Variants in ATG2A observed in about 807,000 individuals in gnomAD.
ATG2A encodes the protein autophagy related 2A.
Under a neutral mutation model 214.2 loss-of-function variants are expected in ATG2A, and 103 were observed. The observed-to-expected ratio is 0.48, with a 90% CI of 0.41 to 0.57. The LOEUF (loss-of-function observed/expected upper bound fraction) is 0.57. ATG2A is among the 20% of genes least tolerant of loss of function. The probability of loss-of-function intolerance (pLI) is 0.00; values close to 1 mark genes in which losing one functional copy is unlikely to be tolerated. For missense variants in ATG2A, 2,312 were observed against 2,613.2 expected, an observed-to-expected ratio of 0.88 and a Z score of 2.51; for synonymous variants, 1,160 against 1,142.1, an observed-to-expected ratio of 1.02 and a Z score of -0.32.
rs761954800 is a variant in ATG2A at position 64,902,605 on chromosome 11, G to T, written c.3688C>A (p.Leu1230Met). The change falls in exon 27 of 41, where the codon CTG (leucine) becomes ATG (methionine). Residue 1230 changes from leucine (L) to methionine (M), a missense_variant. Transcript: ENST00000377264. ...VHSCADSCALLVNLLQYVMST... is the reference protein window; with the variant it reads ...VHSCADSCALMVNLLQYVMST... ...ATTACGTACTGGAGCAGGTTGACCAGCAGGGCACAGGAGTCGGCACAGCTG... is the reference window on the plus strand; with the variant it reads ...ATTACGTACTGGAGCAGGTTGACCATCAGGGCACAGGAGTCGGCACAGCTG... 8.1e-6 allele frequency: 13 copies of T among 1,610,350 alleles called. No homozygotes were observed. In the South Asian group the frequency reaches 1.3e-4, roughly 16 times the overall value.
Position 64,911,156 on chromosome 11 carries a change from CA to C in ATG2A, c.1347del (p.Asp450ThrfsTer41). ...TCGGTGAAAAAGTGCGTGGCGAGGT[CA>C]GGTGGTCCGGAAGATGGGGCAGACG... ...LQTSAPSSGP[P>X]DLATHFFTEF... On this transcript the variant is annotated frameshift_variant, in exon 10 of 41. Coordinates refer to ENST00000377264, the MANE Select transcript of ATG2A (RefSeq NM_015104.3). LOFTEE classifies it high-confidence loss of function. 6.2e-7 allele frequency: 1 copy of C among 1,614,112 alleles called. No individual in the cohort carries two copies. The highest frequency in any genetic ancestry group is 1.3e-5 in the African/African-American group (1 of 75,038).
Position 64,906,779 on chromosome 11 carries a change from C to G in ATG2A, c.2869G>C (p.Glu957Gln), listed in dbSNP as rs560884133. ...CCGTGCTCCATGTCCAGCACCAGCT[C>G]CCCGTGCACAGCCTCCAGCCGCTTC... Reference protein sequence around the residue: ...GGKRLEAVHGELVLDMEHGTL... With the variant: ...GGKRLEAVHGQLVLDMEHGTL... The change falls in exon 20 of 41, where the codon GAG becomes CAG. Residue 957 changes from glutamate to glutamine, a missense_variant. Coordinates refer to ENST00000377264, the MANE Select transcript of ATG2A (RefSeq NM_015104.3). The G allele has an allele frequency of 9.3e-6, 15 of 1,613,310 alleles. No individual in the cohort carries two copies. The highest frequency in any genetic ancestry group is 1.2e-5 in the Non-Finnish European group (14 of 1,179,998).
Position 64,910,974 on chromosome 11 carries a change from C to T in ATG2A, c.1467-20G>A, listed in dbSNP as rs747245667. The stretch of plus-strand genomic sequence containing the variant: ...GTTAGCCTGCGGGGAAGAGGACAGG[C>T]GTCAGAAGGTGCACTTAGGGGGCTC... On this transcript the variant is annotated intron_variant, in intron 10 of 40. Coordinates refer to ENST00000377264, the MANE Select transcript of ATG2A (RefSeq NM_015104.3). 46 of 1,613,428 alleles carry T rather than the reference C, an allele frequency of 2.9e-5. No homozygotes were observed. The South Asian group carries it at 3.4e-4, about 12-fold the overall frequency.
intron 36 of ATG2A, 71 bp downstream of exon 36, chr11:64,897,600 A>C: frequency 1.2e-6 from 2 of 1,609,498 alleles, no homozygotes; most frequent in South Asian, 1.1e-5. Context: ...CCTGGATGCA[A>C]GACCTGGCCC....
At chr11:64,906,281 C>A (rs1944546244) in intron 21 of ATG2A, 53 bp downstream of exon 21, 3 of 1,607,908 alleles carry the variant, frequency 1.9e-6, no homozygotes, top group Non-Finnish European at 1.7e-6. Context: ...CCACCGCACA[C>A]CGGGGCTGCA....
chr11:64,907,256 T>C lies in ATG2A; in HGVS notation c.2831A>G (p.Lys944Arg). 1 of 1,502,380 alleles carries C rather than the reference T, an allele frequency of 6.7e-7. No homozygotes were observed. Among genetic ancestry groups the C allele is most frequent in the South Asian group, 1.3e-5 (1 of 77,444 alleles). The allele number at this position is 1,502,380 out of a possible 1,614,324, so 93.1% of individuals were successfully genotyped here. A position where few individuals can be genotyped will look rare whatever the true frequency, so the allele number is the denominator to read the frequency against. Residue 944 changes from lysine to arginine, a missense_variant and splice_region_variant, in exon 19 of 41, where the codon AAG (lysine) becomes AGG (arginine). Lys to Arg is a conservative substitution (Grantham distance 26). Coordinates refer to ENST00000377264, the MANE Select transcript of ATG2A (RefSeq NM_015104.3). ...KGRITALCETKDEGGKRLEAV... is the reference protein window; with the variant it reads ...KGRITALCETRDEGGKRLEAV... ...CCGCCTGCCCGGGGCTGCACTCACC[T>C]TGGTCTCACAGAGGGCTGTGATCCG...
In ATG2A at chr11:64,902,094, AGGT is replaced by A; in HGVS notation, c.3984_3986del (p.Pro1329del). ...CTAAGCTGCCAGCAGGGCCCCCGAC[AGGT>A]GGTGAAGGGGGTGGGGCCCCACTCC... is the stretch of plus-strand genomic sequence containing the variant. On this transcript the variant is annotated inframe_deletion, in exon 29 of 41. Coordinates refer to ENST00000377264, the MANE Select transcript of ATG2A (RefSeq NM_015104.3). The A allele has an allele frequency of 6.2e-7, 1 of 1,613,920 alleles. No individual in the cohort carries two copies.
intron 14 of ATG2A, 132 bp downstream of exon 14, chr11:64,909,549 G>C: frequency 6.7e-7 from 1 of 1,484,694 alleles, no homozygotes; most frequent in Non-Finnish European, 9.1e-7. Context: ...GCAGTGCTGG[G>C]ACCCCAAGAG....
chr11:64,901,896 T>C, intron 29 of ATG2A, 66 bp downstream of exon 29: 2 of 1,568,216 alleles, frequency 1.3e-6, no homozygotes, highest in Non-Finnish European at 1.7e-6. Flanking sequence ...CACCCCTGAG[T>C]GTTCCGTCCC....
At position 64,897,394 on chromosome 11, in the gene ATG2A, G is replaced by A. The variant is rs1393870640; in HGVS notation, c.5150+18C>T. On this transcript the variant is annotated intron_variant, in intron 37 of 40. Transcript: ENST00000377264. ...AGATCAGGGACCCTGGAGAGAGGCT[G>A]GGGTGCTGGGGACTCACCCGTGCCT... 1.2e-5 allele frequency: 18 copies of A among 1,555,426 alleles called. No homozygotes were observed. Among genetic ancestry groups the A allele is most frequent in the Admixed American group, 1.9e-5 (1 of 51,384 alleles).
chr11:64,913,571 G>T lies in ATG2A; in HGVS notation c.591-170C>A. On this transcript the variant is annotated intron_variant, in intron 4 of 40. Coordinates refer to ENST00000377264, the MANE Select transcript of ATG2A (RefSeq NM_015104.3). The surrounding 1 kb of genome is among the most constrained non-coding windows in gnomAD (Gnocchi z 4.3). ...ATGTCCAGCCCGGAGGCTCAGGCCA[G>T]CCCTTGCTCCTCAGACCCTCAGCAT... is the stretch of plus-strand genomic sequence containing the variant. 1 of 972,992 alleles carries T rather than the reference G, an allele frequency of 1.0e-6. No homozygotes were observed. The highest frequency in any genetic ancestry group is 1.5e-6 in the Non-Finnish European group (1 of 676,902). The allele number at this position is 972,992 out of a possible 1,614,324, so 60.3% of individuals were successfully genotyped here.
Position 64,907,561 on chromosome 11 carries a change from C to G in ATG2A, c.2611G>C (p.Asp871His). 4 of 1,610,580 alleles carry G rather than the reference C, an allele frequency of 2.5e-6. No individual in the cohort carries two copies. Among genetic ancestry groups the G allele is most frequent in the Non-Finnish European group, 3.4e-6 (4 of 1,179,282 alleles). ...GCTGACTTGCACATCTTAAAGCTGTCGTGCCAGAAGCCTGAGGGGCCGGGG... is the reference window on the plus strand; with the variant it reads ...GCTGACTTGCACATCTTAAAGCTGTGGTGCCAGAAGCCTGAGGGGCCGGGG... ...GFPGPSGFWH[D>H]SFKMCKSAFK... Residue 871 changes from aspartate (D) to histidine (H), a missense_variant, in exon 18 of 41, where the codon GAC becomes CAC. Transcript: ENST00000377264.
intron 19 of ATG2A, 85 bp downstream of exon 19, chr11:64,907,170 G>A: frequency 7.1e-7 from 1 of 1,407,262 alleles, no homozygotes; most frequent in East Asian, 2.5e-5. Context: ...CCACATTCTT[G>A]ACCTGGAGCT....
intron 22 of ATG2A, 85 bp downstream of exon 22, chr11:64,906,028 G>T (rs1214066279): frequency 1.4e-6 from 2 of 1,475,210 alleles, no homozygotes; most frequent in Non-Finnish European, 1.8e-6. Flanking sequence ...TCCTCCCACC[G>T]GCCTCCTCCC....
At position 64,913,510 on chromosome 11, in the gene ATG2A, A is replaced by G. The variant is rs1944861443; in HGVS notation, c.591-109T>C. ...CGGGGTCAGGGAGCCTAGCCTGCAG[A>G]GCTGCCCCATCACACCTAGGCCGTC... On this transcript the variant is annotated intron_variant, in intron 4 of 40. Coordinates refer to ENST00000377264, the MANE Select transcript of ATG2A (RefSeq NM_015104.3). The surrounding 1 kb of genome is among the most constrained non-coding windows in gnomAD (Gnocchi z 4.3). 1 of 1,374,036 alleles carries G rather than the reference A, an allele frequency of 7.3e-7. No homozygotes were observed. Among genetic ancestry groups the G allele is most frequent in the Non-Finnish European group, 9.6e-7 (1 of 1,036,644 alleles). The allele number at this position is 1,374,036 out of a possible 1,614,324, so 85.1% of individuals were successfully genotyped here. A position where few individuals can be genotyped will look rare whatever the true frequency, so the allele number is the denominator to read the frequency against.
intron 20 of ATG2A, 22 bp downstream of exon 20, chr11:64,906,643 G>A (rs1050590960): frequency 9.9e-6 from 16 of 1,612,828 alleles, no homozygotes; most frequent in African/African-American, 1.3e-5. Flanking sequence ...CCCCAGTGGT[G>A]ACCTGCCCCC....
chr11:64,899,860 C>A (rs534637059), intron 31 of ATG2A, among the ~76,000 whole-genome samples: 180 of 147,154 alleles, frequency 1.2e-3, no homozygotes, highest in South Asian at 1.9e-3. Context: ...CAGCTTCCAG[C>A]ATTTTTTTTT....
chr11:64,900,454 A>T (rs112179468), intron 31 of ATG2A, 40 bp downstream of exon 31: 1 of 1,612,042 alleles, frequency 6.2e-7, no homozygotes, highest in South Asian at 1.1e-5. Flanking sequence ...CCGTTGTTCT[A>T]TGACACACAC....
intron 23 of ATG2A, 29 bp from the exon 24 acceptor site, chr11:64,905,684 C>A (rs1166504880): frequency 6.2e-7 from 1 of 1,613,552 alleles, no homozygotes; most frequent in East Asian, 2.2e-5. Context: ...CTGGGGCCGG[C>A]TCCTTACACC....
Sources: allele counts gnomAD v4.1 joint callset (sites outside exome capture counted in the v4.1 genomes callset), GRCh38; gene constraint gnomAD v4.1.1; non-coding constraint Gnocchi (gnomAD v3.1); transcripts MANE v1.5; gene names NCBI Gene and HGNC (gene_info 2026-07-23, HGNC 2026-07-21).